Variants in PPOX observed in about 807,000 individuals in gnomAD.
The protein encoded by PPOX is variegate porphyria.
PPOX carries 23 observed loss-of-function variants against 54.1 expected under a neutral mutation model. That is an observed-to-expected ratio of 0.43 (90% confidence interval 0.31 to 0.60). The LOEUF is 0.60. Among genes scored for constraint, PPOX ranks in the 20% least tolerant of loss-of-function variants. The pLI is 0.13. For missense variants in PPOX, 512 were observed against 601.1 expected (o/e 0.85, Z 1.55); for synonymous variants, 224 against 236.1 (o/e 0.95, Z 0.47).
At chr1:161,176,106 G>A (rs1203924274), downstream of PPOX, 7 of 1,608,216 alleles carry the variant, frequency 4.4e-6, no homozygotes, top group Admixed American at 3.3e-5. Context: ...CTGGGGGTAG[G>A]CAGGAAGAGA....
chr1:161,176,486 G>C, intron 4 of PPOX: 1 of 378,250 alleles, frequency 2.6e-6, no homozygotes, highest in Non-Finnish European at 4.9e-6. Flanking sequence ...GGGTCCCGGG[G>C]GGACAGAGAT....
chr1:161,170,320 G>GGGGGGGCCCCCCCCC, intron 9 of PPOX, 89 bp from the exon 10 acceptor site: 4 of 494,788 alleles, frequency 8.1e-6, no homozygotes, highest in African/African-American at 2.0e-5. Flanking sequence ...GTGAGACTCT[G>GGGGGGGCCCCCCCCC]TCCCCCCCAC....
At chr1:161,170,183 G>A in intron 9 of PPOX, 159 bp downstream of exon 9, 1 of 996,408 alleles carries the variant, frequency 1.0e-6, no homozygotes, top group South Asian at 1.4e-5. Flanking sequence ...AAATTAGCCA[G>A]GTGTGGTGGC....
At chr1:161,171,495 C>G, downstream of PPOX, 1 of 581,146 alleles carries the variant, frequency 1.7e-6, no homozygotes, top group East Asian at 3.0e-5. Context: ...CCAGATCACT[C>G]TTCTCTCCAT....
rs1232152459 is a variant in PPOX at position 161,167,450 on chromosome 1, TG to T, written c.305del (p.Gly102AlafsTer30). On this transcript the variant is annotated frameshift_variant, in exon 4 of 13. Coordinates refer to ENST00000367999, the MANE Select transcript of PPOX (RefSeq NM_001122764.3). LOFTEE classifies it high-confidence loss of function. ...HPAAQNRFLY[V>X]GGALHALPTG... ...GCTGCCCAGAACAGGTTCCTCTACGTGGGCGGTGCCCTGCATGCCCTACCCA... is the reference window on the plus strand; with the variant it reads ...GCTGCCCAGAACAGGTTCCTCTACGTGGCGGTGCCCTGCATGCCCTACCCA... 1.2e-6 allele frequency: 2 copies of T among 1,612,752 alleles called. No homozygotes were observed. Among genetic ancestry groups the T allele is most frequent in the South Asian group, 1.1e-5 (1 of 91,010 alleles).
intron 9 of PPOX, 89 bp from the exon 10 acceptor site, chr1:161,170,320 G>GGGGGGGCCCC: frequency 4.0e-6 from 2 of 494,786 alleles, no homozygotes; most frequent in Non-Finnish European, 7.9e-6. Context: ...GTGAGACTCT[G>GGGGGGGCCCC]TCCCCCCCAC....
downstream of PPOX, chr1:161,172,379 C>G (rs768017177): frequency 1.3e-6 from 2 of 1,516,820 alleles, no homozygotes; most frequent in Non-Finnish European, 1.8e-6. Flanking sequence ...TAGAGAAAAG[C>G]AAGGAAGGGA....
At chr1:161,171,249 C>T, downstream of PPOX, 7 of 1,609,024 alleles carry the variant, frequency 4.4e-6, no homozygotes, top group South Asian at 1.1e-5. Flanking sequence ...CACCTATAGG[C>T]ATAAGAATGC....
Position 161,169,027 on chromosome 1 carries a change from C to T in PPOX, c.651C>T (p.Arg217=). 1 of 1,614,214 alleles carries T rather than the reference C, an allele frequency of 6.2e-7. No homozygotes were observed. Residue 217 remains arginine (R), a synonymous_variant, in exon 7 of 13, where the codon CGC becomes CGT. Transcript: ENST00000367999. ...RTPQPDSALI[R]QALAERWSQW... ...CACAGCCAGACTCAGCACTCATTCGCCAGGCCTTGGCTGAGCGCTGGAGCC... is the reference window on the plus strand; with the variant it reads ...CACAGCCAGACTCAGCACTCATTCGTCAGGCCTTGGCTGAGCGCTGGAGCC...
chr1:161,169,012 C>G lies in PPOX; in HGVS notation c.636C>G (p.Asp212Glu), dbSNP rs765894574. 4 of 1,614,152 alleles carry G rather than the reference C, an allele frequency of 2.5e-6. No homozygotes were observed. In the South Asian group the frequency reaches 4.4e-5, roughly 18 times the overall value. Residue 212 changes from aspartate (D) to glutamate (E), a missense_variant, in exon 7 of 13, where the codon GAC becomes GAG. Coordinates refer to ENST00000367999, the MANE Select transcript of PPOX (RefSeq NM_001122764.3). The part of the protein sequence containing the change: ...LLGAGRTPQP[D>E]SALIRQALAE... ...CTGCAGGGCGGACCCCACAGCCAGA[C>G]TCAGCACTCATTCGCCAGGCCTTGG...
chr1:161,170,505 G>C lies in PPOX; in HGVS notation c.1084G>C (p.Gly362Arg). Residue 362 changes from glycine to arginine, a missense_variant, in exon 10 of 13, where the codon GGC becomes CGC. Gly to Arg is a moderately radical substitution (Grantham distance 125). Transcript: ENST00000367999. ...AFPEQDGSPP[G>R]LRVTVMLGGS... Reference sequence around the variant, plus strand: ...CCCTGAGCAGGACGGGAGCCCCCCTGGCCTCAGAGTGACTGTGAGGAGGAG... The same window carrying C: ...CCCTGAGCAGGACGGGAGCCCCCCTCGCCTCAGAGTGACTGTGAGGAGGAG... 1 of 1,614,186 alleles carries C rather than the reference G, an allele frequency of 6.2e-7. No individual in the cohort carries two copies. Among genetic ancestry groups the C allele is most frequent in the South Asian group, 1.1e-5 (1 of 91,088 alleles).
intron 9 of PPOX, 90 bp from the exon 10 acceptor site, chr1:161,170,319 T>TTGGGGGG: frequency 1.9e-6 from 1 of 514,788 alleles, no homozygotes; most frequent in Non-Finnish European, 3.8e-6. Context: ...AGTGAGACTC[T>TTGGGGGG]GTCCCCCCCA....
downstream of PPOX, chr1:161,172,488 G>T: frequency 1.5e-6 from 1 of 650,106 alleles, no homozygotes; most frequent in East Asian, 2.8e-5. Flanking sequence ...GGAAATGGCT[G>T]AAGAGAATAT....
upstream of PPOX, chr1:161,166,119 T>C (rs1658798286): frequency 1.0e-6 from 1 of 985,282 alleles, no homozygotes. Flanking sequence ...CTATTCTCCC[T>C]ACGACCAAAG....
downstream of PPOX, chr1:161,174,118 A>G: frequency 6.5e-7 from 1 of 1,537,024 alleles, no homozygotes; most frequent in Non-Finnish European, 8.8e-7. Context: ...CTAAAGAATA[A>G]AAGTGAAGGC....
At position 161,167,381 on chromosome 1, in the gene PPOX, T is replaced by C; in HGVS notation, c.233T>C (p.Leu78Pro). The C allele has an allele frequency of 6.2e-7, 1 of 1,613,924 alleles. No individual in the cohort carries two copies. The highest frequency in any genetic ancestry group is 8.5e-7 in the Non-Finnish European group (1 of 1,179,974). ...GCATGTGGAGAGCAGGTTTCTGAGC[T>C]TGGCTTGGATTCAGAAGTGCTGCCT... ...GARTLLLVSE[L>P]GLDSEVLPVR... Residue 78 changes from leucine to proline, a missense_variant, in exon 4 of 13, where the codon CTT becomes CCT. Coordinates refer to ENST00000367999, the MANE Select transcript of PPOX (RefSeq NM_001122764.3).
rs368631860 is a variant in PPOX, at chr1:161,169,676, G to A, written c.824G>A (p.Ser275Asn). 7 of 1,614,094 alleles carry A rather than the reference G, an allele frequency of 4.3e-6. No homozygotes were observed. The African/African-American group carries it at 8.0e-5, about 18-fold the overall frequency. ...TGCTCTCAGGTATCTCTAAGGGACA[G>A]CAGTCTGGAGGCTGACCACGTTATT... ...EGRWKVSLRDSSLEADHVISA... is the reference protein window; with the variant it reads ...EGRWKVSLRDNSLEADHVISA... Residue 275 changes from serine to asparagine, a missense_variant, in exon 8 of 13, where the codon AGC becomes AAC. Coordinates refer to ENST00000367999, the MANE Select transcript of PPOX (RefSeq NM_001122764.3).
At chr1:161,174,821 A>G, downstream of PPOX, 1 of 667,474 alleles carries the variant, frequency 1.5e-6, no homozygotes, top group Non-Finnish European at 2.6e-6. Flanking sequence ...AGATTAAGGA[A>G]AAGTATGGGA....
At chr1:161,167,256 T>C in intron 3 of PPOX, 22 bp downstream of exon 3, 1 of 1,614,110 alleles carries the variant, frequency 6.2e-7, no homozygotes. Context: ...GTGGGATGTC[T>C]AGGAGAGGTT....
Sources: allele counts gnomAD v4.1 joint callset, GRCh38; gene constraint gnomAD v4.1.1; transcripts MANE v1.5; gene names NCBI Gene and HGNC (gene_info 2026-07-23, HGNC 2026-07-21).